The following NRG1 variants were observed in gnomAD, a reference collection of about 807,000 sequenced individuals.
The protein encoded by NRG1 is pro-neuregulin-1, membrane-bound isoform.
NRG1 carries 18 observed loss-of-function variants against 63.8 expected under a neutral mutation model. That is an observed-to-expected ratio of 0.28 (90% CI 0.19 to 0.42). The LOEUF (loss-of-function observed/expected upper bound fraction) is 0.42. Ranked by LOEUF, NRG1 falls within the 10% of genes least tolerant of loss-of-function variation. The pLI, the probability that NRG1 is intolerant of heterozygous loss-of-function variation, is 1.00. For synonymous variants in NRG1, 302 were observed against 301.3 expected, an observed-to-expected ratio of 1.00 and a Z score of -0.02; for missense variants, 762 against 814.7, an observed-to-expected ratio of 0.94 and a Z score of 0.79.
intron 6 of NRG1, among the ~76,000 whole-genome samples, chr8:32,734,926 A>G (rs1271067230): frequency 1.3e-5 from 2 of 152,156 alleles, no homozygotes; most frequent in Non-Finnish European, 2.9e-5. Context: ...GAACAAAACC[A>G]TACTGGTCTT....
intron 5 of NRG1, among the ~76,000 whole-genome samples, chr8:32,702,417 G>A (rs1815154463): frequency 6.6e-6 from 1 of 152,206 alleles, no homozygotes. Flanking sequence ...CCATGTTTGG[G>A]CATTTGTGTT....
At chr8:31,870,451 T>C (rs1418985564) in intron 1 of NRG1, among the ~76,000 whole-genome samples, 1 of 152,142 alleles carries the variant, frequency 6.6e-6, no homozygotes, top group African/African-American at 2.4e-5. Context: ...AGGAAAGATA[T>C]TAATATAAAC....
chr8:32,060,997 A>T (rs371803147), intron 1 of NRG1, among the ~76,000 whole-genome samples: 14 of 152,078 alleles, frequency 9.2e-5, no homozygotes, highest in African/African-American at 2.9e-4. Flanking sequence ...ATCCCAAAAT[A>T]GCACACCCTT....
chr8:32,692,126 A>G (rs1281892180), intron 5 of NRG1, among the ~76,000 whole-genome samples: 7 of 152,240 alleles, frequency 4.6e-5, no homozygotes, highest in Non-Finnish European at 7.3e-5. Flanking sequence ...GTATTTTCCA[A>G]ATACAATCAG....
intron 2 of NRG1, among the ~76,000 whole-genome samples, chr8:32,596,466 T>TG (rs1843387767): frequency 6.6e-6 from 1 of 150,740 alleles, no homozygotes; most frequent in South Asian, 2.1e-4. Context: ...TAGCTGGGAG[T>TG]GGTGGGCGCC....
intron 1 of NRG1, among the ~76,000 whole-genome samples, chr8:31,970,462 G>A (rs1807094962): frequency 6.6e-6 from 1 of 152,204 alleles, no homozygotes; most frequent in Admixed American, 6.5e-5. Flanking sequence ...GATGGGAGAA[G>A]CAGTTTGGGA....
intron 1 of NRG1, among the ~76,000 whole-genome samples, chr8:32,313,990 C>G (rs761696075): frequency 6.6e-6 from 1 of 152,140 alleles, no homozygotes; most frequent in Non-Finnish European, 1.5e-5. Context: ...CCTCCCAATG[C>G]TGGCCAGGTC....
At chr8:32,464,144 T>G (rs2129489596) in intron 1 of NRG1, among the ~76,000 whole-genome samples, 1 of 151,904 alleles carries the variant, frequency 6.6e-6, no homozygotes, top group East Asian at 2.0e-4. Flanking sequence ...TCCTCCCGCC[T>G]CAGTCCCCCA....
intron 1 of NRG1, among the ~76,000 whole-genome samples, chr8:31,647,845 TTATAAAACACCCTAGCATTTTGGAA>T (rs1804436358): frequency 6.6e-6 from 1 of 152,194 alleles, no homozygotes; most frequent in African/African-American, 2.4e-5. Context: ...AGCAGAAATT[TTATAAAACACCCTAGCATTTTGGAA>T]TATAGTTTTA....
intron 5 of NRG1, among the ~76,000 whole-genome samples, chr8:32,684,147 T>C (rs370064199): frequency 7.9e-5 from 12 of 152,190 alleles, no homozygotes; most frequent in African/African-American, 2.9e-4. Flanking sequence ...GCCTGAACAA[T>C]ACAGCGAGAC....
At chr8:32,040,639 A>G (rs1819797380) in intron 1 of NRG1, among the ~76,000 whole-genome samples, 1 of 147,368 alleles carries the variant, frequency 6.8e-6, no homozygotes, top group African/African-American at 2.5e-5. Context: ...GTATGTATGT[A>G]TATATATGTA....
chr8:32,662,108 A>T (rs1803003642), intron 5 of NRG1, among the ~76,000 whole-genome samples: 1 of 152,264 alleles, frequency 6.6e-6, no homozygotes, highest in South Asian at 2.1e-4. Flanking sequence ...TTAAATTATC[A>T]CATGTACCCC....
At chr8:31,657,388 C>T (rs1281049251) in intron 1 of NRG1, among the ~76,000 whole-genome samples, 2 of 152,156 alleles carry the variant, frequency 1.3e-5, no homozygotes, top group African/African-American at 4.8e-5. Context: ...CTCTAGTTGA[C>T]CATGGAGAAC....
intron 1 of NRG1, among the ~76,000 whole-genome samples, chr8:32,445,739 A>G (rs187252264): frequency 1.3e-5 from 2 of 152,246 alleles, no homozygotes; most frequent in East Asian, 3.9e-4. Flanking sequence ...ATTAAGATTA[A>G]GTAAGGAAGG....
chr8:31,665,661 C>A (rs541110974), intron 1 of NRG1, among the ~76,000 whole-genome samples: 1 of 152,130 alleles, frequency 6.6e-6, no homozygotes, highest in Non-Finnish European at 1.5e-5. Context: ...ACGTAGTCAA[C>A]CTTTATGAAA....
intron 1 of NRG1, among the ~76,000 whole-genome samples, chr8:31,894,546 C>CTTTCTTTT: frequency 1.0e-5 from 1 of 98,066 alleles, no homozygotes; most frequent in Non-Finnish European, 2.2e-5. Flanking sequence ...CTATTTCTTT[C>CTTTCTTTT]TTTTTTCTTT....
chr8:32,082,939 C>T (rs1827686062), intron 1 of NRG1, among the ~76,000 whole-genome samples: 1 of 152,116 alleles, frequency 6.6e-6, no homozygotes, highest in Admixed American at 6.6e-5. Context: ...ATCTCCCTAT[C>T]CCCAATTCCT....
intron 1 of NRG1, among the ~76,000 whole-genome samples, chr8:31,784,401 C>T (rs796354485): frequency 9.2e-5 from 14 of 152,232 alleles, no homozygotes; most frequent in African/African-American, 3.4e-4. Context: ...GGCAAAATAG[C>T]TTGGTGTGCA....
At chr8:32,205,201 A>G (rs897072349) in intron 1 of NRG1, among the ~76,000 whole-genome samples, 3 of 152,144 alleles carry the variant, frequency 2.0e-5, no homozygotes, top group Non-Finnish European at 4.4e-5. Flanking sequence ...AAGTCTTTTT[A>G]ATTTGGATGG....
Sources: allele counts gnomAD v4.1 joint callset (sites outside exome capture counted in the v4.1 genomes callset), GRCh38; gene constraint gnomAD v4.1.1; transcripts MANE v1.5; gene names NCBI Gene and HGNC (gene_info 2026-07-23, HGNC 2026-07-21).